The following NCOA7 variants were observed in gnomAD, a reference collection of about 807,000 sequenced individuals.
NCOA7 encodes the protein 140 kDa estrogen receptor-associated protein.
NCOA7 carries 45 observed loss-of-function variants against 104.3 expected under a neutral mutation model. The ratio of observed to expected loss-of-function variants is 0.43; its 90% confidence interval spans 0.34 to 0.55. NCOA7 has a LOEUF of 0.55. NCOA7 is among the 20% of genes least tolerant of loss of function. The pLI is 0.02. For missense variants in NCOA7, 1,041 were observed against 1,119.7 expected (o/e 0.93, Z 1.00); for synonymous variants, 398 against 402.3 (o/e 0.99, Z 0.13).
intron 1 of NCOA7, among the ~76,000 whole-genome samples, chr6:125,795,728 G>A (rs1775256367): frequency 6.6e-6 from 1 of 152,096 alleles, no homozygotes; most frequent in Non-Finnish European, 1.5e-5. Flanking sequence ...GAAGGAATCT[G>A]CACATCTTAC....
intron 12 of NCOA7, 84 bp from the exon 13 acceptor site, chr6:125,922,598 T>A (rs1787677427): frequency 2.7e-6 from 4 of 1,500,448 alleles, no homozygotes; most frequent in Non-Finnish European, 3.6e-6. Context: ...TGAGTTTGAA[T>A]AACAGGCATT....
rs373644813 is a variant in NCOA7 at position 125,853,146 on chromosome 6, C to CT, written c.51-1866dup. On this transcript the variant is annotated intron_variant, in intron 2 of 15. Transcript: ENST00000392477. ...TTTCCTTATAGAGATATTTTGAGTTCTTTTTTTTGTTCTCTTTCTTTTTTC... is the reference window on the plus strand; with the variant it reads ...TTTCCTTATAGAGATATTTTGAGTTCTTTTTTTTTGTTCTCTTTCTTTTTTC... 6.1e-3 allele frequency among the ~76,000 whole-genome samples: 930 copies of CT among 151,886 alleles called. 8 individuals carry two copies. The highest frequency in any genetic ancestry group is 0.021 in the African/African-American group (880 of 41,464).
intron 3 of NCOA7, among the ~76,000 whole-genome samples, chr6:125,856,383 C>T (rs953648879): frequency 3.9e-5 from 6 of 151,934 alleles, no homozygotes; most frequent in Middle Eastern, 3.4e-3. Context: ...GACAGAGTCT[C>T]GCTCTGTCAC....
At chr6:125,799,910 G>A (rs1775729428) in intron 1 of NCOA7, among the ~76,000 whole-genome samples, 1 of 152,036 alleles carries the variant, frequency 6.6e-6, no homozygotes, top group South Asian at 2.1e-4. Flanking sequence ...GATCCCCTTT[G>A]CTCATCCTTC....
intron 1 of NCOA7, among the ~76,000 whole-genome samples, chr6:125,814,567 A>G (rs562810160): frequency 6.6e-6 from 1 of 152,358 alleles, no homozygotes; most frequent in East Asian, 1.9e-4. Context: ...TCACTGAATA[A>G]GTAGACAATT....
chr6:125,855,921 A>G (rs773725774), intron 3 of NCOA7, among the ~76,000 whole-genome samples: 3 of 152,018 alleles, frequency 2.0e-5, no homozygotes, highest in Non-Finnish European at 2.9e-5. Flanking sequence ...CTGACCTCAG[A>G]CACTTGAGAA....
rs541887526 is a variant in NCOA7, at chr6:125,892,279, C to T, written c.2096+1469C>T. ...TGCAACTGTCTGCACCAAGGACTCT[C>T]GTAGAATAATTGAAGCAATCCCACA... On this transcript the variant is annotated intron_variant, in intron 10 of 15. Coordinates refer to ENST00000392477, the MANE Select transcript of NCOA7 (RefSeq NM_181782.5). Among the ~76,000 whole-genome samples the T allele has an allele frequency of 5.3e-5, 8 of 152,172 alleles. No individual in the cohort carries two copies. In the East Asian group the frequency reaches 9.6e-4, roughly 18 times the overall value.
chr6:125,804,781 T>A (rs1219039725), intron 1 of NCOA7, among the ~76,000 whole-genome samples: 1 of 151,840 alleles, frequency 6.6e-6, no homozygotes, highest in Non-Finnish European at 1.5e-5. Context: ...AAGAAATAAA[T>A]TTTTTTTTAA....
upstream of NCOA7, among the ~76,000 whole-genome samples, chr6:125,789,334 G>T (rs1340734376): frequency 6.6e-6 from 1 of 152,156 alleles, no homozygotes; most frequent in African/African-American, 2.4e-5. Flanking sequence ...TTGCTTAAAA[G>T]AACTATCTCA....
intron 3 of NCOA7, among the ~76,000 whole-genome samples, chr6:125,857,312 A>C (rs997535641): frequency 1.3e-5 from 2 of 152,090 alleles, no homozygotes; most frequent in African/African-American, 4.8e-5. Flanking sequence ...ATTATAGCTC[A>C]CTGCAACCTC....
Position 125,892,879 on chromosome 6 carries a change from T to G in NCOA7, c.2096+2069T>G, listed in dbSNP as rs572111989. Among the ~76,000 whole-genome samples the G allele has an allele frequency of 1.7e-3, 252 of 152,322 alleles. 3 individuals carry two copies. Among genetic ancestry groups the G allele is most frequent in the African/African-American group, 5.8e-3 (240 of 41,574 alleles). ...TGCGTTAATGACAATAGTTTTTTTG[T>G]GTAGATGTTAGGAATTTTTTTGTGG... is the stretch of plus-strand genomic sequence containing the variant. On this transcript the variant is annotated intron_variant, in intron 10 of 15. Transcript: ENST00000392477.
At chr6:125,810,024 T>A (rs1776826307) in intron 1 of NCOA7, 1 of 152,194 alleles carries the variant, frequency 6.6e-6, no homozygotes, top group Non-Finnish European at 1.5e-5. Context: ...GTTATTTAAA[T>A]CCAGTCTGGT....
intron 10 of NCOA7, among the ~76,000 whole-genome samples, chr6:125,896,370 G>T (rs922429372): frequency 1.3e-5 from 2 of 152,124 alleles, no homozygotes; most frequent in African/African-American, 4.8e-5. Context: ...GATGAATAAA[G>T]AAACAAATGT....
chr6:125,850,234 A>G (rs1031010321), intron 2 of NCOA7, among the ~76,000 whole-genome samples: 11 of 152,310 alleles, frequency 7.2e-5, no homozygotes, highest in Admixed American at 6.5e-4. Context: ...CCAGAAACAC[A>G]TCTGATTTCC....
chr6:125,855,113 A>G lies in NCOA7; in HGVS notation c.144A>G (p.Val48=). 1 of 1,613,478 alleles carries G rather than the reference A, an allele frequency of 6.2e-7. No individual in the cohort carries two copies. The highest frequency in any genetic ancestry group is 1.1e-5 in the South Asian group (1 of 91,078). The change falls in exon 3 of 16, where the codon GTA becomes GTG. Residue 48 remains valine (V), a synonymous_variant. Coordinates refer to ENST00000392477, the MANE Select transcript of NCOA7 (RefSeq NM_181782.5). ...CTGGGAAGGAAGATAATAATACAGTAGTTTTAGAGCCAGACAAGTGCAACA... is the reference window on the plus strand; with the variant it reads ...CTGGGAAGGAAGATAATAATACAGTGGTTTTAGAGCCAGACAAGTGCAACA... ...THTGKEDNNT[V]VLEPDKCNIA...
Position 125,889,140 on chromosome 6 carries a change from C to A in NCOA7, c.1086C>A (p.Pro362=). ...CCACAGGACATACACCTACAAAGCC[C>A]TCAGGCAGCTCTGTGTCAGAGAAAT... ...EKSTGHTPTK[P]SGSSVSEKLK... is the part of the protein sequence containing the mutation. The change falls in exon 9 of 16, where the codon CCC becomes CCA. Residue 362 remains proline (P), a synonymous_variant. Transcript: ENST00000392477. The A allele has an allele frequency of 6.2e-7, 1 of 1,614,156 alleles. No homozygotes were observed. The highest frequency in any genetic ancestry group is 2.2e-5 in the East Asian group (1 of 44,872).
chr6:125,877,949 C>G (rs886935840), intron 4 of NCOA7, among the ~76,000 whole-genome samples: 3 of 152,152 alleles, frequency 2.0e-5, no homozygotes, highest in Non-Finnish European at 4.4e-5. Context: ...CATCGTATTT[C>G]TTTTCTTGTT....
rs766602453 is a variant in NCOA7 at position 125,921,062 on chromosome 6, C to G, written c.2364C>G (p.Ile788Met). ...PHSALLENMH[I>M]EQLARRLPAR... ...GCGCGCTCCTGGAGAATATGCACATCGAGCAGGTGGGCTCGCCCTGGCCAC... is the reference window on the plus strand; with the variant it reads ...GCGCGCTCCTGGAGAATATGCACATGGAGCAGGTGGGCTCGCCCTGGCCAC... Residue 788 changes from isoleucine (I) to methionine (M), a missense_variant, in exon 12 of 16, where the codon ATC becomes ATG. Transcript: ENST00000392477. The G allele has an allele frequency of 3.3e-5, 53 of 1,612,730 alleles. No individual in the cohort carries two copies. The highest frequency in any genetic ancestry group is 4.2e-5 in the Non-Finnish European group (50 of 1,179,328).
intron 2 of NCOA7, among the ~76,000 whole-genome samples, chr6:125,854,226 A>G (rs983725969): frequency 1.3e-4 from 20 of 152,332 alleles, no homozygotes; most frequent in African/African-American, 4.3e-4. Context: ...TGATAAGGCA[A>G]AAACATTCTC....
Sources: allele counts gnomAD v4.1 joint callset (sites outside exome capture counted in the v4.1 genomes callset), GRCh38; gene constraint gnomAD v4.1.1; transcripts MANE v1.5; gene names NCBI Gene and HGNC (gene_info 2026-07-23, HGNC 2026-07-21).